The following GPD1L variants were observed in gnomAD, a reference collection of about 807,000 sequenced individuals.
GPD1L encodes the protein glycerol-3-phosphate dehydrogenase 1 like, also known as glycerol-3-phosphate dehydrogenase 1-like protein.
A neutral mutation model predicts 32.9 loss-of-function variants in GPD1L; 17 were observed. That is an observed-to-expected ratio of 0.52 (90% CI 0.35 to 0.78). The LOEUF is 0.78. Among genes scored for constraint, GPD1L ranks in the 30% least tolerant of loss-of-function variants. The probability of loss-of-function intolerance (pLI) is 0.01; values close to 1 mark genes in which losing one functional copy is unlikely to be tolerated. For synonymous variants in GPD1L, 187 were observed against 165.9 expected, an observed-to-expected ratio of 1.13 and a Z score of -0.98; for missense variants, 361 against 447.8, an observed-to-expected ratio of 0.81 and a Z score of 1.75.
Position 32,114,695 on chromosome 3 carries a change from C to T in GPD1L, c.47+7937C>T, listed in dbSNP as rs573171372. Among the ~76,000 whole-genome samples, 4 of 152,014 alleles carry T rather than the reference C, an allele frequency of 2.6e-5. No individual in the cohort carries two copies. The East Asian group carries it at 5.8e-4, about 22-fold the overall frequency. ...GTCTCGCTGACTTCGAGAATGAAGC[C>T]GCGGACCCTCACGGTGAGTGTTACA... On this transcript the variant is annotated intron_variant, in intron 1 of 7. Coordinates refer to ENST00000282541, the MANE Select transcript of GPD1L (RefSeq NM_015141.4).
chr3:32,150,164 T>C (rs1700892351), intron 5 of GPD1L, among the ~76,000 whole-genome samples: 1 of 152,152 alleles, frequency 6.6e-6, no homozygotes, highest in South Asian at 2.1e-4. Flanking sequence ...TTATATGCCA[T>C]CGTTTGCATT....
At chr3:32,163,115 AAG>A (rs1263744228) in intron 7 of GPD1L, among the ~76,000 whole-genome samples, 1 of 149,256 alleles carries the variant, frequency 6.7e-6, no homozygotes, top group Non-Finnish European at 1.5e-5. Context: ...GAAACATCTT[AAG>A]CCCTCAGTAT....
chr3:32,164,350 C>G (rs1701115846), intron 7 of GPD1L, among the ~76,000 whole-genome samples: 1 of 152,208 alleles, frequency 6.6e-6, no homozygotes, highest in Non-Finnish European at 1.5e-5. Flanking sequence ...TCAACGAATT[C>G]TCACGGAGCA....
chr3:32,153,285 C>A (rs1283144243), intron 5 of GPD1L, among the ~76,000 whole-genome samples: 1 of 152,202 alleles, frequency 6.6e-6, no homozygotes, highest in African/African-American at 2.4e-5. Flanking sequence ...ATCTGACATG[C>A]TAGCCACTAG....
chr3:32,127,659 G>T (rs1700529594), intron 1 of GPD1L, among the ~76,000 whole-genome samples: 1 of 152,208 alleles, frequency 6.6e-6, no homozygotes, highest in Non-Finnish European at 1.5e-5. Context: ...TCAGGTTCTT[G>T]TCTTTCCTTT....
At chr3:32,146,076 CT>C (rs376610371) in intron 4 of GPD1L, among the ~76,000 whole-genome samples, 12,509 of 127,396 alleles carry the variant, frequency 0.098, 1,113 homozygotes, top group East Asian at 0.44. Context: ...GACAATCATG[CT>C]TTTTTCTTTT....
At chr3:32,131,214 T>C (rs1236077583) in intron 2 of GPD1L, among the ~76,000 whole-genome samples, 1 of 152,172 alleles carries the variant, frequency 6.6e-6, no homozygotes, top group Admixed American at 6.5e-5. Flanking sequence ...CCATGAAATA[T>C]AGTTGCCGTT....
Position 32,150,042 on chromosome 3 carries a change from G to A in GPD1L, c.618+3308G>A, listed in dbSNP as rs1291356771. Reference sequence around the variant, plus strand: ...TTGAGAGTTGTGTGCATGCACTTGCGAAAACCACTACCAAAGTACACAACA... The same window carrying A: ...TTGAGAGTTGTGTGCATGCACTTGCAAAAACCACTACCAAAGTACACAACA... On this transcript the variant is annotated intron_variant, in intron 5 of 7. Coordinates refer to ENST00000282541, the MANE Select transcript of GPD1L (RefSeq NM_015141.4). Among the ~76,000 whole-genome samples the A allele has an allele frequency of 2.6e-5, 4 of 152,026 alleles. No homozygotes were observed. The South Asian group carries it at 6.2e-4, about 24-fold the overall frequency.
At chr3:32,165,726 T>G (rs1701137313) in intron 7 of GPD1L, 88 bp from the exon 8 acceptor site, 1 of 754,980 alleles carries the variant, frequency 1.3e-6, no homozygotes, top group Admixed American at 1.9e-5. Context: ...CATACTAACC[T>G]GCAATCTGTT....
In GPD1L at chr3:32,166,069, C is replaced by G. The variant is rs1701142643; in HGVS notation, c.*159C>G. On this transcript the variant is annotated 3_prime_UTR_variant, in exon 8 of 8. Transcript: ENST00000282541. Reference sequence around the variant, plus strand: ...CGTTTTTGAATTGTGAGAGGCAGTTCATTAGCAAAGATGTACTGGGCAGTA... The same window carrying G: ...CGTTTTTGAATTGTGAGAGGCAGTTGATTAGCAAAGATGTACTGGGCAGTA... 2 of 678,518 alleles carry G rather than the reference C, an allele frequency of 2.9e-6. No homozygotes were observed. Among genetic ancestry groups the G allele is most frequent in the Non-Finnish European group, 5.4e-6 (2 of 369,932 alleles). The allele number at this position is 678,518 out of a possible 1,614,324, so 42.0% of individuals were successfully genotyped here.
At chr3:32,143,920 T>G (rs1000491811) in intron 4 of GPD1L, among the ~76,000 whole-genome samples, 1 of 151,992 alleles carries the variant, frequency 6.6e-6, no homozygotes, top group African/African-American at 2.4e-5. Context: ...AGGTGGAGGC[T>G]GCAATGAGCA....
At chr3:32,127,062 G>A (rs1700517989) in intron 1 of GPD1L, among the ~76,000 whole-genome samples, 4 of 152,188 alleles carry the variant, frequency 2.6e-5, no homozygotes, top group African/African-American at 9.7e-5. Context: ...TAGAATAACA[G>A]ATTCATCCAG....
chr3:32,146,839 G>A (rs1336424339), intron 5 of GPD1L, 105 bp downstream of exon 5: 4 of 775,568 alleles, frequency 5.2e-6, no homozygotes, highest in East Asian at 2.4e-5. Context: ...CCACATCAGC[G>A]AAGAATAGTG....
intron 2 of GPD1L, among the ~76,000 whole-genome samples, chr3:32,130,285 T>C (rs770146681): frequency 5.3e-5 from 8 of 152,112 alleles, no homozygotes; most frequent in Admixed American, 2.0e-4. Context: ...CTGATAGATC[T>C]CTCAAACCTA....
intron 1 of GPD1L, among the ~76,000 whole-genome samples, chr3:32,124,989 C>T (rs1472930441): frequency 6.6e-6 from 1 of 151,528 alleles, no homozygotes. Context: ...GTTTTAAGTC[C>T]TGGTCCTCCT....
intron 1 of GPD1L, among the ~76,000 whole-genome samples, chr3:32,113,457 G>A (rs1700282630): frequency 6.6e-6 from 1 of 152,110 alleles, no homozygotes; most frequent in Admixed American, 6.5e-5. Flanking sequence ...TCTCTCAGTG[G>A]TTGCAGGTGG....
chr3:32,113,087 C>T (rs1700275991), intron 1 of GPD1L, among the ~76,000 whole-genome samples: 1 of 152,104 alleles, frequency 6.6e-6, no homozygotes, highest in African/African-American at 2.4e-5. Context: ...TTATATTCTC[C>T]TTCTGAGAAA....
chr3:32,153,785 C>T (rs1019000487), intron 5 of GPD1L, among the ~76,000 whole-genome samples: 2 of 152,178 alleles, frequency 1.3e-5, no homozygotes, highest in Admixed American at 6.5e-5. Context: ...GCTGGTTCTC[C>T]TGTTCTTTAT....
chr3:32,121,210 C>T (rs996781229), intron 1 of GPD1L, among the ~76,000 whole-genome samples: 4 of 151,852 alleles, frequency 2.6e-5, no homozygotes, highest in African/African-American at 9.7e-5. Flanking sequence ...CTTTCCATTT[C>T]TCTTGCACTG....
Sources: gnomAD v4.1 joint callset for allele counts (sites outside exome capture counted in the v4.1 genomes callset) on GRCh38, gnomAD v4.1.1 for gene constraint, MANE v1.5 for transcripts, NCBI Gene and HGNC (gene_info 2026-07-23, HGNC 2026-07-21) for gene names.